Variants in WDR72 observed in about 807,000 individuals in gnomAD.
WDR72 encodes WD repeat-containing protein 72.
WDR72 carries 120 observed loss-of-function variants against 124.2 expected under a neutral mutation model. That is an observed-to-expected ratio of 0.97 (90% CI 0.83 to 1.12). The LOEUF is 1.12. Among genes scored for constraint, WDR72 ranks in the 50% most tolerant of loss-of-function variants. WDR72 has a pLI of 0.00. For missense variants in WDR72, 1,387 were observed against 1,278.8 expected, an observed-to-expected ratio of 1.08 and a Z score of -1.29; for synonymous variants, 452 against 441.7, an observed-to-expected ratio of 1.02 and a Z score of -0.29.
intron 9 of WDR72, among the ~76,000 whole-genome samples, chr15:53,706,366 A>ATATGTGTGTG (rs2017370170): frequency 2.0e-5 from 1 of 49,402 alleles, no homozygotes; most frequent in African/African-American, 7.8e-5. Flanking sequence ...ATATATATAT[A>ATATGTGTGTG]TATATATATA....
At chr15:53,699,287 A>C (rs1317716972) in intron 13 of WDR72, among the ~76,000 whole-genome samples, 1 of 152,164 alleles carries the variant, frequency 6.6e-6, no homozygotes, top group Non-Finnish European at 1.5e-5. Context: ...CAAAAGTTCA[A>C]TTGAGCCACT....
chr15:53,675,635 C>G (rs2016145711), intron 13 of WDR72, among the ~76,000 whole-genome samples: 1 of 152,004 alleles, frequency 6.6e-6, no homozygotes, highest in Non-Finnish European at 1.5e-5. Flanking sequence ...GATTTTGTCC[C>G]TCATGCTTTT....
intron 18 of WDR72, among the ~76,000 whole-genome samples, chr15:53,560,682 G>T (rs915069120): frequency 6.6e-6 from 1 of 151,790 alleles, no homozygotes; most frequent in Non-Finnish European, 1.5e-5. Context: ...AAGTTTTTTA[G>T]TTGCTTTGAG....
At chr15:53,522,067 C>G (rs559095424) in intron 19 of WDR72, among the ~76,000 whole-genome samples, 7 of 152,120 alleles carry the variant, frequency 4.6e-5, no homozygotes, top group African/African-American at 1.7e-4. Flanking sequence ...CACAGGGCAG[C>G]AGTCCATCTT....
At chr15:53,704,229 A>G (rs1391572093) in intron 11 of WDR72, among the ~76,000 whole-genome samples, 1 of 152,220 alleles carries the variant, frequency 6.6e-6, no homozygotes, top group Non-Finnish European at 1.5e-5. Flanking sequence ...TTAAAGTTCA[A>G]TTATTACTAA....
At chr15:53,661,921 A>T (rs1227217702) in intron 14 of WDR72, among the ~76,000 whole-genome samples, 2 of 152,148 alleles carry the variant, frequency 1.3e-5, no homozygotes, top group African/African-American at 4.8e-5. Flanking sequence ...TTTCCAGGAT[A>T]CTACAATGGG....
chr15:53,677,657 C>A (rs2016222578), intron 13 of WDR72, among the ~76,000 whole-genome samples: 2 of 152,160 alleles, frequency 1.3e-5, no homozygotes, highest in Admixed American at 1.3e-4. Flanking sequence ...CATGACTTTG[C>A]TCCCCTTTTT....
At chr15:53,560,288 C>G (rs1894081817) in intron 18 of WDR72, among the ~76,000 whole-genome samples, 1 of 151,856 alleles carries the variant, frequency 6.6e-6, no homozygotes, top group South Asian at 2.1e-4. Context: ...TCATATTCTG[C>G]TACTTTCTGA....
chr15:53,704,970 C>G lies in WDR72; in HGVS notation c.1348+18G>C. ...TTTAGATAAATCAAATAAATAGGGT[C>G]AAATAAAATTCAAGGACCTTTTACT... On this transcript the variant is annotated intron_variant, in intron 11 of 19. Transcript: ENST00000360509. 6.2e-7 allele frequency: 1 copy of G among 1,613,020 alleles called. No homozygotes were observed. The highest frequency in any genetic ancestry group is 8.5e-7 in the Non-Finnish European group (1 of 1,179,858).
At chr15:53,748,254 G>T (rs539255297) in intron 1 of WDR72, among the ~76,000 whole-genome samples, 1 of 152,138 alleles carries the variant, frequency 6.6e-6, no homozygotes, top group East Asian at 1.9e-4. Flanking sequence ...CCTATTTCTG[G>T]TCTTGACTCA....
chr15:53,557,761 A>G (rs1893983978), intron 18 of WDR72, among the ~76,000 whole-genome samples: 1 of 152,040 alleles, frequency 6.6e-6, no homozygotes, highest in Non-Finnish European at 1.5e-5. Context: ...GAATGATTTA[A>G]TAGCATCTAA....
intron 2 of WDR72, among the ~76,000 whole-genome samples, chr15:53,727,371 T>C (rs10163089): frequency 0.14 from 21,066 of 152,108 alleles, 1,702 homozygotes; most frequent in Middle Eastern, 0.2. Context: ...AACTCAGCCA[T>C]ATTAATGAGG....
At chr15:53,706,708 T>C (rs1358973063) in intron 9 of WDR72, among the ~76,000 whole-genome samples, 2 of 152,010 alleles carry the variant, frequency 1.3e-5, no homozygotes, top group Non-Finnish European at 2.9e-5. Flanking sequence ...TTGTTATTAA[T>C]ATGTTTTCTA....
chr15:53,705,992 G>A lies in WDR72; in HGVS notation c.1037C>T (p.Ser346Leu), dbSNP rs139495300. Residue 346 changes from serine to leucine, a missense_variant, in exon 10 of 20, where the codon TCA becomes TTA. Ser to Leu is a moderately radical substitution (Grantham distance 145). Coordinates refer to ENST00000360509, the MANE Select transcript of WDR72 (RefSeq NM_182758.4). ...FYKVLFSGEV[S>L]GRITLWHIPD... ...GATGTGCCACAAAGTAATTCTTCCT[G>A]AGACTTCTCCAGAGAAAAGTACCTT... 2.4e-5 allele frequency: 38 copies of A among 1,614,056 alleles called. No homozygotes were observed. In the African/African-American group the frequency reaches 4.5e-4, roughly 19 times the overall value.
At chr15:53,642,108 T>C (rs969247031) in intron 14 of WDR72, among the ~76,000 whole-genome samples, 26 of 151,996 alleles carry the variant, frequency 1.7e-4, no homozygotes, top group African/African-American at 6.0e-4. Context: ...ATGGTTTTTC[T>C]AGGTCCATTT....
At chr15:53,722,953 G>T (rs1304355872) in intron 2 of WDR72, 45 bp from the exon 3 acceptor site, 4 of 1,539,068 alleles carry the variant, frequency 2.6e-6, no homozygotes, top group Non-Finnish European at 3.6e-6. Context: ...TAAACTGTTT[G>T]AAGAATAAAA....
chr15:53,707,670 T>C (rs1388721068), intron 9 of WDR72, among the ~76,000 whole-genome samples: 1 of 152,042 alleles, frequency 6.6e-6, no homozygotes, highest in Non-Finnish European at 1.5e-5. Context: ...ATGGTCTCAA[T>C]CTCCTGACCT....
chr15:53,718,115 C>A (rs2017764896), intron 3 of WDR72, among the ~76,000 whole-genome samples: 1 of 152,122 alleles, frequency 6.6e-6, no homozygotes, highest in African/African-American at 2.4e-5. Flanking sequence ...AGGTTTTTGA[C>A]TCTAGCTATG....
chr15:53,548,540 T>TA (rs1253646644), intron 18 of WDR72, among the ~76,000 whole-genome samples: 1 of 152,066 alleles, frequency 6.6e-6, no homozygotes, highest in Admixed American at 6.6e-5. Context: ...CTCCATTTAC[T>TA]AATTTATAAA....
Sources: gnomAD v4.1 joint callset for allele counts (sites outside exome capture counted in the v4.1 genomes callset) on GRCh38, gnomAD v4.1.1 for gene constraint, MANE v1.5 for transcripts, NCBI Gene and HGNC (gene_info 2026-07-23, HGNC 2026-07-21) for gene names.